The following SLC2A9 variants were observed in gnomAD, a reference collection of about 807,000 sequenced individuals.
SLC2A9 encodes the protein solute carrier family 2, facilitated glucose transporter member 9.
Under a neutral mutation model 50.6 loss-of-function variants are expected in SLC2A9, and 39 were observed. That is an observed-to-expected ratio of 0.77 (90% CI 0.60 to 1.01). The LOEUF is 1.01. SLC2A9 is among the 50% of genes least tolerant of loss of function. SLC2A9 has a pLI of 0.00. For synonymous variants in SLC2A9, 324 were observed against 276.9 expected (o/e 1.17, Z -1.69); for missense variants, 686 against 677.6 (o/e 1.01, Z -0.14).
In SLC2A9 at chr4:9,877,386, G is replaced by A. The variant is rs78087789; in HGVS notation, c.1291+10181C>T. Among the ~76,000 whole-genome samples the A allele has an allele frequency of 8.6e-3, 1,313 of 152,302 alleles. 11 individuals carry two copies. The highest frequency in any genetic ancestry group is 0.044 in the Middle Eastern group (13 of 294). On this transcript the variant is annotated intron_variant, in intron 10 of 11. Transcript: ENST00000264784. Reference sequence around the variant, plus strand: ...TCCCACCCAACTTGGGGTAGTGCCTGCCCCCCTGGCAGGAGATTCAGAGGC... The same window carrying A: ...TCCCACCCAACTTGGGGTAGTGCCTACCCCCCTGGCAGGAGATTCAGAGGC...
At chr4:9,948,959 T>C (rs1286784471) in intron 5 of SLC2A9, among the ~76,000 whole-genome samples, 2 of 152,240 alleles carry the variant, frequency 1.3e-5, no homozygotes, top group Non-Finnish European at 2.9e-5. Context: ...AGTCAGCCCA[T>C]TGAAACTTCT....
intron 7 of SLC2A9, among the ~76,000 whole-genome samples, chr4:9,911,250 C>G (rs769351945): frequency 6.6e-6 from 1 of 152,118 alleles, no homozygotes; most frequent in Non-Finnish European, 1.5e-5. Context: ...TGCCCAGGGG[C>G]TACAGGGGTC....
intron 7 of SLC2A9, among the ~76,000 whole-genome samples, chr4:9,916,650 C>A (rs1742896417): frequency 6.6e-6 from 1 of 152,138 alleles, no homozygotes; most frequent in South Asian, 2.1e-4. Flanking sequence ...GGATGGGAGA[C>A]TGAAGCCCAG....
intron 3 of SLC2A9, among the ~76,000 whole-genome samples, chr4:9,807,340 G>T (rs917035080): frequency 1.3e-5 from 2 of 152,074 alleles, no homozygotes; most frequent in Non-Finnish European, 2.9e-5. Flanking sequence ...TTATCTCATA[G>T]ATCCCTATGC....
At chr4:9,774,929 C>T (rs922315386), downstream of SLC2A9, among the ~76,000 whole-genome samples, 2 of 152,080 alleles carry the variant, frequency 1.3e-5, no homozygotes, top group African/African-American at 4.8e-5. Context: ...GCAGAGCCAC[C>T]CAGCCAAAAG....
At chr4:9,829,358 C>A (rs1725662351) in intron 11 of SLC2A9, among the ~76,000 whole-genome samples, 1 of 151,298 alleles carries the variant, frequency 6.6e-6, no homozygotes, top group African/African-American at 2.4e-5. Flanking sequence ...AAAATTAACT[C>A]AAGATGCTTA....
intron 10 of SLC2A9, among the ~76,000 whole-genome samples, chr4:9,846,968 T>C (rs951627102): frequency 1.3e-5 from 2 of 152,224 alleles, no homozygotes; most frequent in East Asian, 3.8e-4. Context: ...CCAGTTTAAA[T>C]TCCCACCTCT....
At chr4:9,815,162 C>T (rs1319733741) in intron 3 of SLC2A9, among the ~76,000 whole-genome samples, 2 of 152,154 alleles carry the variant, frequency 1.3e-5, no homozygotes, top group Non-Finnish European at 2.9e-5. Context: ...TAAATGAGCA[C>T]TGCTAGGTGG....
At chr4:9,919,019 G>A (rs1293385100) in intron 7 of SLC2A9, among the ~76,000 whole-genome samples, 2 of 152,136 alleles carry the variant, frequency 1.3e-5, no homozygotes, top group Non-Finnish European at 2.9e-5. Context: ...GAAAAATGAT[G>A]TCCCTGTGGA....
intron 8 of SLC2A9, among the ~76,000 whole-genome samples, chr4:9,898,740 G>C (rs896810722): frequency 6.6e-6 from 1 of 152,164 alleles, no homozygotes; most frequent in Non-Finnish European, 1.5e-5. Context: ...TGTGCGCAGG[G>C]GCCCTAGAAG....
chr4:9,974,131 T>C (rs1472126305), intron 5 of SLC2A9, among the ~76,000 whole-genome samples: 2 of 152,142 alleles, frequency 1.3e-5, no homozygotes, highest in Non-Finnish European at 2.9e-5. Flanking sequence ...TAAACAATCA[T>C]ACCTCAAAAT....
chr4:9,925,895 G>A (rs758310906), intron 6 of SLC2A9, among the ~76,000 whole-genome samples: 1 of 152,118 alleles, frequency 6.6e-6, no homozygotes, highest in Non-Finnish European at 1.5e-5. Flanking sequence ...CTACTGTTCC[G>A]GGCATGGTGT....
At chr4:9,997,238 C>T (rs946788512) in intron 2 of SLC2A9, among the ~76,000 whole-genome samples, 9 of 151,950 alleles carry the variant, frequency 5.9e-5, no homozygotes, top group African/African-American at 1.9e-4. Context: ...CCTCTTTTTA[C>T]CTCATTTTGG....
At chr4:9,782,283 T>C (rs756513171) in intron 3 of SLC2A9, 1 of 1,613,988 alleles carries the variant, frequency 6.2e-7, no homozygotes, top group Non-Finnish European at 8.5e-7. Flanking sequence ...TCTCTGGCCG[T>C]GTCAGACCTT....
chr4:9,794,693 T>C (rs899282775), downstream of SLC2A9, among the ~76,000 whole-genome samples: 14 of 152,336 alleles, frequency 9.2e-5, no homozygotes, highest in South Asian at 2.1e-4. Context: ...ATGTAGTGAC[T>C]GCCTACTCTG....
intron 6 of SLC2A9, among the ~76,000 whole-genome samples, chr4:9,926,680 T>C (rs1003473233): frequency 1.3e-5 from 2 of 152,074 alleles, no homozygotes; most frequent in Non-Finnish European, 2.9e-5. Context: ...CATAAACATA[T>C]GCTGAAGTCC....
At chr4:9,889,791 T>C (rs1737024212) in intron 9 of SLC2A9, among the ~76,000 whole-genome samples, 1 of 152,140 alleles carries the variant, frequency 6.6e-6, no homozygotes, top group East Asian at 1.9e-4. Context: ...CCAAGATGAG[T>C]TGGAGGTACT....
intron 10 of SLC2A9, among the ~76,000 whole-genome samples, chr4:9,851,011 T>C (rs1291275805): frequency 7.1e-6 from 1 of 140,462 alleles, no homozygotes; most frequent in African/African-American, 2.6e-5. Flanking sequence ...GCTGCTGCCA[T>C]TCATCACTGG....
intron 5 of SLC2A9, among the ~76,000 whole-genome samples, chr4:9,970,679 T>TC (rs1753757923): frequency 8.3e-6 from 1 of 120,536 alleles, no homozygotes. Flanking sequence ...AGACACAAAA[T>TC]TAAAAAAAAA....
Sources: gnomAD v4.1 joint callset for allele counts (sites outside exome capture counted in the v4.1 genomes callset) on GRCh38, gnomAD v4.1.1 for gene constraint, MANE v1.5 for transcripts, NCBI Gene and HGNC (gene_info 2026-07-23, HGNC 2026-07-21) for gene names.